Variants in ABCC10 observed in about 807,000 individuals in gnomAD.
ABCC10 encodes ATP-binding cassette sub-family C member 10.
ABCC10 carries 110 observed loss-of-function variants against 143.2 expected under a neutral mutation model. That is an observed-to-expected ratio of 0.77 (90% CI 0.66 to 0.90). The LOEUF is 0.90. Among genes scored for constraint, ABCC10 ranks in the 40% least tolerant of loss-of-function variants. ABCC10 has a pLI of 0.00. For synonymous variants in ABCC10, 805 were observed against 846.7 expected (o/e 0.95, Z 0.85); for missense variants, 1,700 against 1,900.5 (o/e 0.89, Z 1.96).
Position 43,430,095 on chromosome 6 carries a change from T to A in ABCC10, c.161+1956T>A, listed in dbSNP as rs578151455. 5.1e-4 allele frequency among the ~76,000 whole-genome samples: 74 copies of A among 146,220 alleles called. 1 individual carries two copies. Among genetic ancestry groups the A allele is most frequent in the South Asian group, 1.5e-3 (7 of 4,570 alleles). ...ATGCCCAGCCAGAAATAGAAAAAAA[T>A]TTTTTTTTTCTTTGAGACAGGGTCT... On this transcript the variant is annotated intron_variant, in intron 2 of 21. Coordinates refer to ENST00000372530, the MANE Select transcript of ABCC10 (RefSeq NM_001198934.2).
chr6:43,445,050 A>C, intron 13 of ABCC10, 75 bp from the exon 14 acceptor site: 2 of 1,588,688 alleles, frequency 1.3e-6, no homozygotes, highest in Non-Finnish European at 1.7e-6. Flanking sequence ...GGTGGGAGAG[A>C]TGGCATGGGG....
In ABCC10 at chr6:43,428,239, G is replaced by A; in HGVS notation, c.161+100G>A. 3 of 1,307,700 alleles carry A rather than the reference G, an allele frequency of 2.3e-6. No homozygotes were observed. The South Asian group carries it at 4.6e-5, about 20-fold the overall frequency. The allele number at this position is 1,307,700 out of a possible 1,614,324, so 81.0% of individuals were successfully genotyped here. ...GTGTCACCAGAATAGCGAGGTCTCT[G>A]GAGTAGGGCAGAAGTAGAATAAAAT... On this transcript the variant is annotated intron_variant, in intron 2 of 21. Coordinates refer to ENST00000372530, the MANE Select transcript of ABCC10 (RefSeq NM_001198934.2).
At position 43,447,382 on chromosome 6, in the gene ABCC10, C is replaced by T. The variant is rs766993515; in HGVS notation, c.3679C>T (p.Gln1227Ter). The T allele has an allele frequency of 3.7e-6, 6 of 1,613,124 alleles. No homozygotes were observed. Among genetic ancestry groups the T allele is most frequent in the Non-Finnish European group, 4.2e-6 (5 of 1,179,944 alleles). The stretch of plus-strand genomic sequence containing the variant: ...GGAAGAGTACACCTGTGACCTGCCC[C>T]AGGAACCCCAGGGCCAGCCACTGCA... ...RLEEYTCDLPQEPQGQPLQLG... is the reference protein window; with the variant it reads ...RLEEYTCDLP Residue 1227 changes from glutamine to a stop codon, truncating the protein, a stop_gained, in exon 17 of 22, where the codon CAG becomes TAG. Transcript: ENST00000372530. LOFTEE classifies it high-confidence loss of function.
intron 2 of ABCC10, among the ~76,000 whole-genome samples, chr6:43,430,148 T>A (rs1329705721): frequency 6.6e-6 from 1 of 151,456 alleles, no homozygotes; most frequent in East Asian, 2.0e-4. Flanking sequence ...TGGAGAGCAG[T>A]GGCACGATCT....
In ABCC10 at chr6:43,447,804, T is replaced by G. The variant is rs368075473; in HGVS notation, c.3826T>G (p.Leu1276Val). 1 of 1,613,608 alleles carries G rather than the reference T, an allele frequency of 6.2e-7. No individual in the cohort carries two copies. Among genetic ancestry groups the G allele is most frequent in the Non-Finnish European group, 8.5e-7 (1 of 1,180,006 alleles). ...VTFCVQPGEK[L>V]GIVGRTGSGK... ...CTTCTGCGTGCAGCCTGGAGAGAAGTTGGGCATCGTGGGCCGCACAGGCTC... is the reference window on the plus strand; with the variant it reads ...CTTCTGCGTGCAGCCTGGAGAGAAGGTGGGCATCGTGGGCCGCACAGGCTC... The change falls in exon 18 of 22, where the codon TTG (leucine) becomes GTG (valine). Residue 1276 changes from leucine (L) to valine (V), a missense_variant. By Grantham distance (32) the Leu-to-Val change is conservative. Transcript: ENST00000372530.
chr6:43,445,783 C>T lies in ABCC10; in HGVS notation c.3215C>T (p.Pro1072Leu), dbSNP rs375808353. ...CTGCCCTGGCTGCTGCTCCTGCTGCCGCCTTTGAGCATCATGTACTATCAC... is the reference window on the plus strand; with the variant it reads ...CTGCCCTGGCTGCTGCTCCTGCTGCTGCCTTTGAGCATCATGTACTATCAC... ...SGLPWLLLLL[P>L]PLSIMYYHVQ... The change falls in exon 15 of 22, where the codon CCG becomes CTG. Residue 1072 changes from proline (P) to leucine (L), a missense_variant. By Grantham distance (98) the Pro-to-Leu change is moderately conservative (BLOSUM62 -3). Transcript: ENST00000372530. The T allele has an allele frequency of 1.8e-5, 29 of 1,614,100 alleles. No homozygotes were observed. In the East Asian group the frequency reaches 2.9e-4, roughly 16 times the overall value.
In ABCC10 at chr6:43,450,079, C is replaced by T. The variant is rs142810162; in HGVS notation, c.4467C>T (p.Leu1489=). Residue 1489 remains leucine, a synonymous_variant, in exon 22 of 22, where the codon CTC becomes CTT. Coordinates refer to ENST00000372530, the MANE Select transcript of ABCC10 (RefSeq NM_001198934.2). The surrounding 1 kb of genome is among the most constrained non-coding windows in gnomAD (Gnocchi z 4.5). The part of the protein sequence containing the change: ...QSSQQGVPAS[L]GGP ...GCCAGCAGGGAGTCCCTGCCTCACT[C>T]GGAGGTCCCTGAGCCCAATCCCACA... 42 of 1,601,780 alleles carry T rather than the reference C, an allele frequency of 2.6e-5. No individual in the cohort carries two copies. Among genetic ancestry groups the T allele is most frequent in the African/African-American group, 1.6e-4 (12 of 74,902 alleles).
rs370092028 is a variant in ABCC10 at position 43,447,411 on chromosome 6, G to A, written c.3705+3G>A. 1.4e-5 allele frequency: 23 copies of A among 1,612,656 alleles called. No individual in the cohort carries two copies. In the South Asian group the frequency reaches 1.5e-4, roughly 11 times the overall value. ...AACCCCAGGGCCAGCCACTGCAGGT[G>A]GGCCTGTACCCCCACCCCAGGCCAA... On this transcript the variant is annotated splice_donor_region_variant and intron_variant, in intron 17 of 21. Transcript: ENST00000372530.
Position 43,443,017 on chromosome 6 carries a change from A to G in ABCC10, c.2274A>G (p.Ala758=). Residue 758 remains alanine (A), a synonymous_variant, in exon 10 of 22, where the codon GCA becomes GCG. Coordinates refer to ENST00000372530, the MANE Select transcript of ABCC10 (RefSeq NM_001198934.2). This position sits in a 1 kb window ranked among gnomAD's most constrained non-coding sequence, Gnocchi z 4.2. ...LLDDPLAAVD[A]DVANHLLHRC... ...ATGACCCTCTGGCCGCTGTGGATGC[A>G]GATGTGGCCAACCACCTGCTGCACA... The G allele has an allele frequency of 6.2e-7, 1 of 1,611,594 alleles. No homozygotes were observed. The highest frequency in any genetic ancestry group is 1.1e-5 in the South Asian group (1 of 90,744).
At chr6:43,446,817 C>A in intron 16 of ABCC10, 1 of 1,154,642 alleles carries the variant, frequency 8.7e-7, no homozygotes, top group Non-Finnish European at 1.1e-6. Flanking sequence ...TGGCTAGGTC[C>A]TATCACCCTC....
chr6:43,440,733 G>A (rs185019544), intron 8 of ABCC10, among the ~76,000 whole-genome samples: 1 of 151,840 alleles, frequency 6.6e-6, no homozygotes, highest in African/African-American at 2.4e-5. Context: ...GTGGTCGTGG[G>A]CACCTGTAAT....
At chr6:43,447,991 T>TCTC (rs1317752946) in intron 18 of ABCC10, 54 bp downstream of exon 18, 1 of 1,600,576 alleles carries the variant, frequency 6.2e-7, no homozygotes, top group Admixed American at 1.7e-5. Context: ...TACTGGCACT[T>TCTC]AGAGGAGGGC....
At chr6:43,427,810 C>T (rs1455456086) in intron 1 of ABCC10, 53 bp downstream of exon 1, 1 of 777,312 alleles carries the variant, frequency 1.3e-6, no homozygotes, top group Non-Finnish European at 2.2e-6. Flanking sequence ...CCGTTTTTAC[C>T]CTTGGTACCG....
At chr6:43,438,868 T>C (rs1011235578) in intron 8 of ABCC10, 73 bp downstream of exon 8, 12 of 1,554,160 alleles carry the variant, frequency 7.7e-6, no homozygotes, top group Non-Finnish European at 8.8e-6. Flanking sequence ...CCAGGAGCTT[T>C]GCTTTTCTGG....
At chr6:43,434,884 A>G in intron 4 of ABCC10, 36 bp downstream of exon 4, 1 of 1,598,742 alleles carries the variant, frequency 6.3e-7, no homozygotes, top group Non-Finnish European at 8.6e-7. Flanking sequence ...AGCATCAAGG[A>G]GACTTCAGCG....
At chr6:43,439,719 G>A (rs1265592167) in intron 8 of ABCC10, among the ~76,000 whole-genome samples, 1 of 152,122 alleles carries the variant, frequency 6.6e-6, no homozygotes, top group Non-Finnish European at 1.5e-5. Flanking sequence ...GAGTAGCTGG[G>A]ACTACAGCTG....
chr6:43,444,221 A>G lies in ABCC10; in HGVS notation c.2557A>G (p.Thr853Ala), dbSNP rs1027582914. ...TKEGLEEEQS[T>A]SGRLLQEESK... is the part of the protein sequence containing the mutation. ...GGAGGGGCTGGAGGAGGAGCAGAGC[A>G]CATCTGGTCGCCTGCTGCAGGAAGA... The change falls in exon 12 of 22, where the codon ACA becomes GCA. Residue 853 changes from threonine to alanine, a missense_variant. Coordinates refer to ENST00000372530, the MANE Select transcript of ABCC10 (RefSeq NM_001198934.2). 4 of 1,614,172 alleles carry G rather than the reference A, an allele frequency of 2.5e-6. No individual in the cohort carries two copies. The highest frequency in any genetic ancestry group is 3.3e-4 in the Middle Eastern group (2 of 6,062).
In ABCC10 at chr6:43,447,950, T is replaced by C; in HGVS notation, c.3959+13T>C. ...TGGCCCAGCTCAGGTCTGGGGGAGATGGACTTGGGAGGGGAAGGGGGAACC... is the reference window on the plus strand; with the variant it reads ...TGGCCCAGCTCAGGTCTGGGGGAGACGGACTTGGGAGGGGAAGGGGGAACC... On this transcript the variant is annotated intron_variant, in intron 18 of 21. Coordinates refer to ENST00000372530, the MANE Select transcript of ABCC10 (RefSeq NM_001198934.2). 6.2e-7 allele frequency: 1 copy of C among 1,611,292 alleles called. No individual in the cohort carries two copies. Among genetic ancestry groups the C allele is most frequent in the East Asian group, 2.2e-5 (1 of 44,884 alleles).
chr6:43,445,093 T>A, intron 13 of ABCC10, 32 bp from the exon 14 acceptor site: 1 of 1,610,186 alleles, frequency 6.2e-7, no homozygotes, highest in Non-Finnish European at 8.5e-7. Context: ...GCCCTAGTTT[T>A]GGTTACCGAC....
Sources: allele counts gnomAD v4.1 joint callset (sites outside exome capture counted in the v4.1 genomes callset), GRCh38; gene constraint gnomAD v4.1.1; non-coding constraint Gnocchi (gnomAD v3.1); transcripts MANE v1.5; gene names NCBI Gene and HGNC (gene_info 2026-07-23, HGNC 2026-07-21).